Variants in XKR3 observed in about 807,000 individuals in gnomAD.
The protein encoded by XKR3 is XK-related protein 3.
XKR3 carries 27 observed loss-of-function variants against 40.3 expected under a neutral mutation model. The observed-to-expected ratio is 0.67, with a 90% CI of 0.49 to 0.92. The LOEUF is 0.92. Among genes scored for constraint, XKR3 ranks in the 40% least tolerant of loss-of-function variants. The pLI, the probability that XKR3 is intolerant of heterozygous loss-of-function variation, is 0.00. For synonymous variants in XKR3, 193 were observed against 195.4 expected, an observed-to-expected ratio of 0.99 and a Z score of 0.10; for missense variants, 472 against 537.6, an observed-to-expected ratio of 0.88 and a Z score of 1.21.
chr22:16,807,657 G>A lies in XKR3; in HGVS notation c.335+82C>T, dbSNP rs183834234. 1.5e-5 allele frequency: 18 copies of A among 1,217,994 alleles called. No individual in the cohort carries two copies. The East Asian group carries it at 4.3e-4, about 29-fold the overall frequency. 75.4% of individuals were successfully genotyped at this position (1,217,994 alleles called of 1,614,324 possible). The stretch of plus-strand genomic sequence containing the variant: ...TTCAATTCCGTAAACGATAATTATG[G>A]CATCCTTAATCTTTTTAGCCATCTA... On this transcript the variant is annotated intron_variant, in intron 2 of 3. Coordinates refer to ENST00000684488, the MANE Select transcript of XKR3 (RefSeq NM_001386955.1).
chr22:16,789,006 A>T (rs1487544199), intron 3 of XKR3, among the ~76,000 whole-genome samples: 1 of 152,204 alleles, frequency 6.6e-6, no homozygotes, highest in Non-Finnish European at 1.5e-5. Context: ...ACAACAAATG[A>T]CATAAACGAG....
At chr22:16,788,078 A>C (rs1315587259) in intron 3 of XKR3, among the ~76,000 whole-genome samples, 2 of 152,196 alleles carry the variant, frequency 1.3e-5, no homozygotes, top group Admixed American at 1.3e-4. Flanking sequence ...TATATCATAC[A>C]TTAGGCCAAA....
At chr22:16,823,247 C>T (rs527912621) in intron 1 of XKR3, among the ~76,000 whole-genome samples, 2 of 152,252 alleles carry the variant, frequency 1.3e-5, no homozygotes, top group Admixed American at 6.5e-5. Flanking sequence ...ACAATGATAA[C>T]ATCATTAGAA....
chr22:16,799,647 A>G, intron 3 of XKR3, 124 bp downstream of exon 3: 1 of 1,127,672 alleles, frequency 8.9e-7, no homozygotes, highest in Middle Eastern at 2.4e-4. Context: ...ATAGAAACTC[A>G]ATCTTATAAA....
intron 3 of XKR3, among the ~76,000 whole-genome samples, chr22:16,793,432 A>C (rs1401835288): frequency 6.6e-6 from 1 of 152,234 alleles, no homozygotes; most frequent in East Asian, 1.9e-4. Flanking sequence ...AATTTTGCGT[A>C]ATTCCAGTAC....
At chr22:16,784,728 C>T (rs1361152973) in intron 3 of XKR3, among the ~76,000 whole-genome samples, 3 of 152,004 alleles carry the variant, frequency 2.0e-5, no homozygotes, top group African/African-American at 7.3e-5. Flanking sequence ...AGATCTGATG[C>T]TATAAGGTGT....
intron 3 of XKR3, among the ~76,000 whole-genome samples, chr22:16,788,418 T>G (rs1160991350): frequency 6.6e-6 from 1 of 151,524 alleles, no homozygotes; most frequent in Non-Finnish European, 1.5e-5. Flanking sequence ...ATAAATATAA[T>G]CAGAGACAAA....
chr22:16,805,302 G>A (rs1214156111), intron 2 of XKR3, among the ~76,000 whole-genome samples: 1 of 152,168 alleles, frequency 6.6e-6, no homozygotes, highest in Non-Finnish European at 1.5e-5. Flanking sequence ...GAACGATTGA[G>A]AATGATGCTT....
intron 3 of XKR3, among the ~76,000 whole-genome samples, chr22:16,785,523 G>A (rs1320371538): frequency 6.6e-6 from 1 of 152,032 alleles, no homozygotes; most frequent in African/African-American, 2.4e-5. Context: ...ACTACATTCA[G>A]TTGAAAGAGA....
intron 2 of XKR3, among the ~76,000 whole-genome samples, chr22:16,802,310 T>C (rs1206123956): frequency 1.3e-5 from 2 of 152,166 alleles, no homozygotes; most frequent in Admixed American, 6.6e-5. Context: ...TATGAAGAAT[T>C]TTATCAGGGT....
At chr22:16,823,317 C>T (rs978476939) in intron 1 of XKR3, among the ~76,000 whole-genome samples, 8 of 152,272 alleles carry the variant, frequency 5.3e-5, no homozygotes, top group East Asian at 1.9e-4. Flanking sequence ...AAGAAGAGTT[C>T]GTGGTACACA....
intron 1 of XKR3, among the ~76,000 whole-genome samples, chr22:16,812,780 T>G (rs1008923419): frequency 6.6e-6 from 1 of 152,178 alleles, no homozygotes; most frequent in African/African-American, 2.4e-5. Context: ...TTCATCACCT[T>G]AATGAGAAAC....
intron 3 of XKR3, among the ~76,000 whole-genome samples, chr22:16,794,657 G>T (rs1270103467): frequency 6.6e-6 from 1 of 152,142 alleles, no homozygotes; most frequent in African/African-American, 2.4e-5. Context: ...GCTACACAAC[G>T]AAGTCTACCT....
chr22:16,795,563 A>C (rs868280971), intron 3 of XKR3, among the ~76,000 whole-genome samples: 21 of 152,196 alleles, frequency 1.4e-4, no homozygotes, highest in Admixed American at 1.3e-4. Context: ...GAAGTTAATG[A>C]AACTGAGATG....
At chr22:16,806,476 T>TG (rs1015603431) in intron 2 of XKR3, among the ~76,000 whole-genome samples, 4 of 150,510 alleles carry the variant, frequency 2.7e-5, no homozygotes, top group Admixed American at 1.3e-4. Context: ...AAGGTTTTTT[T>TG]TTTTTTTTTT....
At chr22:16,822,756 A>G (rs748224160) in intron 1 of XKR3, among the ~76,000 whole-genome samples, 6 of 152,204 alleles carry the variant, frequency 3.9e-5, no homozygotes, top group Non-Finnish European at 7.3e-5. Flanking sequence ...CTGGAACCAG[A>G]CTTTCTGAGT....
At chr22:16,813,593 C>T (rs2060221864) in intron 1 of XKR3, among the ~76,000 whole-genome samples, 1 of 152,110 alleles carries the variant, frequency 6.6e-6, no homozygotes, top group Non-Finnish European at 1.5e-5. Context: ...AAACCCACTG[C>T]AAGGGTAACA....
intron 1 of XKR3, among the ~76,000 whole-genome samples, chr22:16,814,754 T>C (rs1473168652): frequency 1.3e-5 from 2 of 152,130 alleles, no homozygotes; most frequent in African/African-American, 4.8e-5. Context: ...CTCATTTTAT[T>C]TTTGGATTGC....
chr22:16,787,164 G>A (rs1379678995), intron 3 of XKR3, among the ~76,000 whole-genome samples: 1 of 151,500 alleles, frequency 6.6e-6, no homozygotes, highest in Non-Finnish European at 1.5e-5. Flanking sequence ...CTCAAGGACA[G>A]ATCAATTAAA....
Sources: allele counts gnomAD v4.1 joint callset (sites outside exome capture counted in the v4.1 genomes callset), GRCh38; gene constraint gnomAD v4.1.1; transcripts MANE v1.5; gene names NCBI Gene and HGNC (gene_info 2026-07-23, HGNC 2026-07-21).